CHCHD6: variants seen among roughly 807,000 people sequenced by gnomAD.
The protein encoded by CHCHD6 is MICOS complex subunit MIC25.
CHCHD6 carries 28 observed loss-of-function variants against 32.3 expected under a neutral mutation model. The ratio of observed to expected loss-of-function variants is 0.87; its 90% CI spans 0.64 to 1.19. The LOEUF is 1.19. CHCHD6 is among the 50% of genes most tolerant of loss of function. The pLI is 0.00. For missense variants in CHCHD6, 333 were observed against 307.0 expected (o/e 1.08, Z -0.63); for synonymous variants, 122 against 117.5 (o/e 1.04, Z -0.25).
intron 5 of CHCHD6, among the ~76,000 whole-genome samples, chr3:126,874,452 C>T (rs2077515345): frequency 6.6e-6 from 1 of 152,114 alleles, no homozygotes; most frequent in Non-Finnish European, 1.5e-5. Flanking sequence ...AGGATGTGTA[C>T]CATGTAGCCT....
chr3:126,933,208 C>T (rs561827172), intron 6 of CHCHD6, among the ~76,000 whole-genome samples: 27 of 152,264 alleles, frequency 1.8e-4, no homozygotes, highest in Admixed American at 1.4e-3. Flanking sequence ...CTTGCCTCTC[C>T]GAAGCCTGGT....
chr3:126,713,481 C>T (rs1354147967), intron 1 of CHCHD6, among the ~76,000 whole-genome samples: 1 of 152,192 alleles, frequency 6.6e-6, no homozygotes, highest in Non-Finnish European at 1.5e-5. Context: ...TGCAGGGACA[C>T]TTGATCCTGC....
chr3:126,921,732 C>T (rs1017180894), intron 6 of CHCHD6, among the ~76,000 whole-genome samples: 13 of 152,312 alleles, frequency 8.5e-5, no homozygotes, highest in African/African-American at 2.6e-4. Flanking sequence ...CCTTGGGACT[C>T]GCTAGAGCAG....
chr3:126,845,527 A>G (rs1473483214), intron 4 of CHCHD6, among the ~76,000 whole-genome samples: 1 of 152,144 alleles, frequency 6.6e-6, no homozygotes, highest in Non-Finnish European at 1.5e-5. Context: ...ATTCTTGGCC[A>G]TATATTTTAT....
At chr3:126,863,641 A>C (rs1942069521) in intron 5 of CHCHD6, among the ~76,000 whole-genome samples, 1 of 109,368 alleles carries the variant, frequency 9.1e-6, no homozygotes. Flanking sequence ...ACCCTCTTCC[A>C]CCATCACCAC....
At chr3:126,789,899 G>C (rs1328750368) in intron 4 of CHCHD6, among the ~76,000 whole-genome samples, 1 of 126,856 alleles carries the variant, frequency 7.9e-6, no homozygotes, top group Non-Finnish European at 1.6e-5. Context: ...CTCGTTAGTT[G>C]ATGCAGTTTC....
At chr3:126,891,845 G>A (rs1454295619) in intron 5 of CHCHD6, among the ~76,000 whole-genome samples, 9 of 152,260 alleles carry the variant, frequency 5.9e-5, no homozygotes, top group Admixed American at 5.9e-4. Flanking sequence ...GAGAAGAAAG[G>A]CTGGTGGCAA....
intron 2 of CHCHD6, among the ~76,000 whole-genome samples, chr3:126,730,181 C>T (rs1472080055): frequency 1.3e-5 from 2 of 152,152 alleles, no homozygotes; most frequent in African/African-American, 4.8e-5. Context: ...AAAACCTCTA[C>T]CCGGGAGGTT....
rs140607478 is a variant in CHCHD6 at position 126,929,290 on chromosome 3, C to T, written c.566+14540C>T. Reference sequence around the variant, plus strand: ...AGCAGCCAGAATGCAGTGCAGGCATCGTCTCTCTTGTCTGGTGGCTGATCT... The same window carrying T: ...AGCAGCCAGAATGCAGTGCAGGCATTGTCTCTCTTGTCTGGTGGCTGATCT... On this transcript the variant is annotated intron_variant, in intron 6 of 7. Transcript: ENST00000290913. Among the ~76,000 whole-genome samples, 12 of 152,270 alleles carry T rather than the reference C, an allele frequency of 7.9e-5. 1 individual carries two copies. Among genetic ancestry groups the T allele is most frequent in the Non-Finnish European group, 1.0e-4 (7 of 68,024 alleles).
intron 4 of CHCHD6, among the ~76,000 whole-genome samples, chr3:126,821,774 G>T (rs1224887879): frequency 6.6e-6 from 1 of 150,632 alleles, no homozygotes; most frequent in African/African-American, 2.5e-5. Context: ...ATTGTAGTGA[G>T]TGTGAAGTGG....
At chr3:126,809,060 C>T (rs995042552) in intron 4 of CHCHD6, among the ~76,000 whole-genome samples, 1 of 152,138 alleles carries the variant, frequency 6.6e-6, no homozygotes, top group Non-Finnish European at 1.5e-5. Context: ...CAGCCTCCAC[C>T]TCCCAGGTTC....
chr3:126,719,267 C>G (rs1207267501), intron 1 of CHCHD6, among the ~76,000 whole-genome samples: 1 of 152,244 alleles, frequency 6.6e-6, no homozygotes, highest in Non-Finnish European at 1.5e-5. Flanking sequence ...CTGTGCTTCT[C>G]CCCTCTCCTG....
chr3:126,849,399 G>T (rs1298293379), intron 4 of CHCHD6, among the ~76,000 whole-genome samples: 1 of 152,160 alleles, frequency 6.6e-6, no homozygotes, highest in Non-Finnish European at 1.5e-5. Context: ...GTGTCTTTTT[G>T]TCATCTGTTC....
intron 6 of CHCHD6, among the ~76,000 whole-genome samples, chr3:126,930,949 C>G (rs1239980415): frequency 2.0e-5 from 3 of 152,248 alleles, no homozygotes; most frequent in African/African-American, 7.2e-5. Context: ...GCGCCCATCT[C>G]TTCCTATCTG....
At chr3:126,768,349 G>A (rs1211665138) in intron 4 of CHCHD6, among the ~76,000 whole-genome samples, 5 of 152,106 alleles carry the variant, frequency 3.3e-5, no homozygotes, top group Non-Finnish European at 7.4e-5. Context: ...AACTTCCTGA[G>A]GTCTCTGCAG....
chr3:126,730,511 G>A (rs373049688), intron 2 of CHCHD6, 50 bp from the exon 3 acceptor site: 374 of 1,531,586 alleles, frequency 2.4e-4, no homozygotes, highest in Non-Finnish European at 3.1e-4. Flanking sequence ...CTGTGACTTC[G>A]TGGACCCTGG....
chr3:126,821,988 T>C, intron 4 of CHCHD6, among the ~76,000 whole-genome samples: 1 of 152,224 alleles, frequency 6.6e-6, no homozygotes, highest in East Asian at 1.9e-4. Context: ...GATACATAAA[T>C]ATTTTCACTC....
intron 4 of CHCHD6, among the ~76,000 whole-genome samples, chr3:126,739,095 A>G (rs995119684): frequency 2.6e-5 from 4 of 152,202 alleles, no homozygotes; most frequent in African/African-American, 4.8e-5. Flanking sequence ...TGTTATGTGG[A>G]GATCTGAAAA....
chr3:126,705,373 A>G (rs1934434442), intron 1 of CHCHD6, among the ~76,000 whole-genome samples: 1 of 152,250 alleles, frequency 6.6e-6, no homozygotes, highest in African/African-American at 2.4e-5. Flanking sequence ...GAATAAAAGC[A>G]GCTCTTATTG....
Sources: allele counts gnomAD v4.1 joint callset (sites outside exome capture counted in the v4.1 genomes callset), GRCh38; gene constraint gnomAD v4.1.1; transcripts MANE v1.5; gene names NCBI Gene and HGNC (gene_info 2026-07-23, HGNC 2026-07-21).